The following CYRIB variants were observed in gnomAD, a reference collection of about 807,000 sequenced individuals.
CYRIB encodes CYFIP related Rac1 interactor B.
In CYRIB, 8 loss-of-function variants were observed where a neutral mutation model predicts 44.2. That is an observed-to-expected ratio of 0.18 (90% CI 0.11 to 0.33). The LOEUF (loss-of-function observed/expected upper bound fraction) is 0.33, where lower values mean the gene tolerates loss of function less well. Ranked by LOEUF, CYRIB falls within the 10% of genes least tolerant of loss-of-function variation. The pLI, the probability that CYRIB is intolerant of heterozygous loss-of-function variation, is 1.00. For synonymous variants in CYRIB, 131 were observed against 127.2 expected (o/e 1.03, Z -0.20); for missense variants, 185 against 382.8 (o/e 0.48, Z 4.31).
intron 1 of CYRIB, among the ~76,000 whole-genome samples, chr8:129,938,335 A>T (rs1315515857): frequency 6.6e-6 from 1 of 152,224 alleles, no homozygotes; most frequent in African/African-American, 2.4e-5. Flanking sequence ...TTGCGATAGT[A>T]AGTCACCAAA....
chr8:129,958,243 G>C (rs1382247989), intron 2 of CYRIB, among the ~76,000 whole-genome samples: 2 of 151,942 alleles, frequency 1.3e-5, no homozygotes, highest in South Asian at 4.2e-4. Context: ...GACCTATGAA[G>C]AAAAAAGAGC....
chr8:129,889,798 C>CTT (rs112004277), intron 2 of CYRIB, among the ~76,000 whole-genome samples: 2 of 144,056 alleles, frequency 1.4e-5, no homozygotes, highest in Admixed American at 6.9e-5. Flanking sequence ...GGTTTCTTTC[C>CTT]TTTTTTTTTT....
At chr8:129,842,096 G>T in exon 12 of CYRIB, 1 of 1,402,622 alleles carries the variant, frequency 7.1e-7, no homozygotes, top group Non-Finnish European at 1.0e-6. Context: ...CTCAGTCATT[G>T]CAGAATACTG....
rs185110710 is a variant in CYRIB, at chr8:129,926,060, G to A, written c.-50+13548C>T. Among the ~76,000 whole-genome samples, 6 of 152,288 alleles carry A rather than the reference G, an allele frequency of 3.9e-5. No individual in the cohort carries two copies. The South Asian group carries it at 1.2e-3, about 32-fold the overall frequency. On this transcript the variant is annotated intron_variant, in intron 1 of 11. Coordinates refer to ENST00000519824, the Ensembl canonical transcript of CYRIB. ...TGGCTCTCTTTTGAACACCCACATG[G>A]TGTCCTTAAAACTCACTTTAGAAAT...
chr8:129,968,761 G>T (rs550330941), intron 2 of CYRIB, among the ~76,000 whole-genome samples: 75 of 152,216 alleles, frequency 4.9e-4, no homozygotes, highest in Admixed American at 3.0e-3. Flanking sequence ...GTTCTTGCTG[G>T]TAACTTTTTT....
intron 1 of CYRIB, among the ~76,000 whole-genome samples, chr8:129,919,452 A>AT (rs1334000469): frequency 6.6e-6 from 1 of 152,198 alleles, no homozygotes; most frequent in Non-Finnish European, 1.5e-5. Context: ...ATCTGCCCTC[A>AT]TAAAGCTCAT....
chr8:129,982,414 C>A (rs760101598), intron 1 of CYRIB, among the ~76,000 whole-genome samples: 1 of 151,822 alleles, frequency 6.6e-6, no homozygotes, highest in Non-Finnish European at 1.5e-5. Flanking sequence ...TTTAACTAAC[C>A]GAAACATAAA....
At chr8:129,870,001 A>G (rs1049325843) in intron 4 of CYRIB, among the ~76,000 whole-genome samples, 3 of 151,716 alleles carry the variant, frequency 2.0e-5, no homozygotes, top group African/African-American at 7.2e-5. Context: ...GGCGTTGAAG[A>G]AAAAAATGAA....
intron 2 of CYRIB, among the ~76,000 whole-genome samples, chr8:129,962,569 T>C (rs537443405): frequency 3.3e-4 from 51 of 152,298 alleles, no homozygotes; most frequent in African/African-American, 1.1e-3. Context: ...GAATGCCCTT[T>C]ACGTTTGGAA....
At chr8:129,884,020 C>T (rs138911861) in intron 2 of CYRIB, among the ~76,000 whole-genome samples, 308 of 152,252 alleles carry the variant, frequency 2.0e-3, no homozygotes, top group African/African-American at 6.7e-3. Flanking sequence ...TAGAGGATGG[C>T]AGTCTATCAC....
chr8:129,986,777 T>C (rs534226607), intron 1 of CYRIB, among the ~76,000 whole-genome samples: 11 of 152,270 alleles, frequency 7.2e-5, no homozygotes, highest in African/African-American at 1.9e-4. Flanking sequence ...AGTTACGCAG[T>C]TTCAGGTATT....
intron 1 of CYRIB, among the ~76,000 whole-genome samples, chr8:129,975,607 C>A (rs775792901): frequency 6.6e-6 from 1 of 152,182 alleles, no homozygotes; most frequent in East Asian, 1.9e-4. Flanking sequence ...CCTGGAAATT[C>A]TGGGTTTGAG....
At chr8:129,869,992 G>T (rs1362097170) in intron 4 of CYRIB, among the ~76,000 whole-genome samples, 1 of 151,938 alleles carries the variant, frequency 6.6e-6, no homozygotes, top group African/African-American at 2.4e-5. Flanking sequence ...GGGAGGGGGG[G>T]CGTTGAAGAA....
rs73710951 is a variant in CYRIB at position 129,849,232 on chromosome 8, C to T, written c.840+11G>A. 4,084 of 1,584,510 alleles carry T rather than the reference C, an allele frequency of 2.6e-3. 49 individuals carry two copies. The African/African-American group carries it at 0.026, about 10-fold the overall frequency. ...CTCGTTTGAAATTATTTATATAAAACAATAACTTACATCAATTTTGGAAGT... is the reference window on the plus strand; with the variant it reads ...CTCGTTTGAAATTATTTATATAAAATAATAACTTACATCAATTTTGGAAGT... On this transcript the variant is annotated intron_variant, in intron 10 of 11. Transcript: ENST00000519824.
rs548174374 is a variant in CYRIB, at chr8:129,952,289, G to A, written c.-243+18654C>T. ...TTGGTCAGGCTGGTCTCGAACTCCC[G>A]ACCTCAGGTGATCTGCCCACCTCAG... On this transcript the variant is annotated intron_variant, in intron 2 of 14. Coordinates refer to the CYRIB transcript ENST00000401979. 3.6e-3 allele frequency among the ~76,000 whole-genome samples: 549 copies of A among 152,232 alleles called. 4 individuals carry two copies. Among genetic ancestry groups the A allele is most frequent in the African/African-American group, 9.9e-3 (411 of 41,548 alleles).
intron 5 of CYRIB, among the ~76,000 whole-genome samples, chr8:129,856,637 G>C (rs1031093969): frequency 6.6e-6 from 1 of 151,932 alleles, no homozygotes; most frequent in Admixed American, 6.6e-5. Context: ...CTTTATGTCA[G>C]GTCATCAGCC....
At chr8:129,984,843 C>T (rs956053812) in intron 1 of CYRIB, among the ~76,000 whole-genome samples, 2 of 152,080 alleles carry the variant, frequency 1.3e-5, no homozygotes, top group Non-Finnish European at 2.9e-5. Flanking sequence ...GGCGCGATTT[C>T]AGCTCACTGC....
chr8:129,979,416 T>G (rs2096111977), intron 1 of CYRIB, among the ~76,000 whole-genome samples: 1 of 152,194 alleles, frequency 6.6e-6, no homozygotes, highest in Admixed American at 6.6e-5. Context: ...TATTAGAGGT[T>G]CTTTTATTCA....
intron 2 of CYRIB, among the ~76,000 whole-genome samples, chr8:129,967,416 G>A (rs534256351): frequency 2.0e-5 from 3 of 148,146 alleles, no homozygotes; most frequent in Admixed American, 6.7e-5. Flanking sequence ...GTCTTGCTCT[G>A]TCGCCCAGGC....
Sources: gnomAD v4.1 joint callset for allele counts (sites outside exome capture counted in the v4.1 genomes callset) on GRCh38, gnomAD v4.1.1 for gene constraint, MANE v1.5 for transcripts, NCBI Gene and HGNC (gene_info 2026-07-23, HGNC 2026-07-21) for gene names.